HERC3: variants seen among roughly 807,000 people sequenced by gnomAD.
HERC3 encodes HECT and RLD domain containing E3 ubiquitin protein ligase 3, also known as probable E3 ubiquitin-protein ligase HERC3.
In HERC3, 58 loss-of-function variants were observed where a neutral mutation model predicts 129.9. That is an observed-to-expected ratio of 0.45 (90% CI 0.36 to 0.56). HERC3 has a LOEUF of 0.56. HERC3 is among the 20% of genes least tolerant of loss of function. HERC3 has a pLI of 0.00. For missense variants in HERC3, 835 were observed against 1,244.2 expected (o/e 0.67, Z 4.95); for synonymous variants, 430 against 451.0 (o/e 0.95, Z 0.59).
intron 3 of HERC3, among the ~76,000 whole-genome samples, chr4:88,632,274 G>T (rs1362168612): frequency 6.6e-6 from 1 of 152,158 alleles, no homozygotes; most frequent in Non-Finnish European, 1.5e-5. Flanking sequence ...TGTGGTGTAC[G>T]CAGGGCACAC....
At chr4:88,590,229 C>T (rs776787879), upstream of HERC3, among the ~76,000 whole-genome samples, 2 of 151,542 alleles carry the variant, frequency 1.3e-5, no homozygotes, top group African/African-American at 2.4e-5. Flanking sequence ...GATCGCGCCA[C>T]TGCACTCCAT....
intron 2 of HERC3, among the ~76,000 whole-genome samples, chr4:88,601,920 G>A (rs1220423499): frequency 8.3e-6 from 1 of 120,596 alleles, no homozygotes; most frequent in Non-Finnish European, 1.5e-5. Context: ...GCCGGGCGTA[G>A]TGGCGGGCGC....
chr4:88,682,431 C>T (rs1732888565), intron 21 of HERC3, among the ~76,000 whole-genome samples: 1 of 151,970 alleles, frequency 6.6e-6, no homozygotes, highest in African/African-American at 2.4e-5. Context: ...ATTAACTCGT[C>T]ATTTAACATT....
intron 9 of HERC3, chr4:88,657,459 A>G (rs1346344853): frequency 6.6e-6 from 1 of 152,164 alleles, no homozygotes; most frequent in Non-Finnish European, 1.5e-5. Context: ...CTTCTCTGTA[A>G]TTTGTAAATT....
At chr4:88,697,326 C>T (rs1331346494) in intron 23 of HERC3, 1 of 1,613,620 alleles carries the variant, frequency 6.2e-7, no homozygotes, top group African/African-American at 1.3e-5. Flanking sequence ...CATCCTCGTA[C>T]TCCTCTTCCT....
intron 2 of HERC3, among the ~76,000 whole-genome samples, chr4:88,604,904 C>T (rs1298371082): frequency 3.9e-5 from 6 of 152,144 alleles, no homozygotes; most frequent in Non-Finnish European, 7.3e-5. Context: ...TTGTTGTTAC[C>T]TGGCCATCAT....
At chr4:88,528,456 GT>G in the HERC3 span, among the ~76,000 whole-genome samples, 1 of 152,158 alleles carries the variant, frequency 6.6e-6, no homozygotes, top group Non-Finnish European at 1.5e-5. Context: ...AAGAGAAACT[GT>G]GGAACTAATG....
intron 2 of HERC3, among the ~76,000 whole-genome samples, chr4:88,598,921 G>A (rs1435254319): frequency 1.3e-5 from 2 of 152,210 alleles, no homozygotes; most frequent in African/African-American, 4.8e-5. Flanking sequence ...GAAATAAGAG[G>A]CAGGAAATGC....
At chr4:88,673,706 A>C (rs1731853770) in intron 16 of HERC3, among the ~76,000 whole-genome samples, 1 of 152,240 alleles carries the variant, frequency 6.6e-6, no homozygotes, top group African/African-American at 2.4e-5. Flanking sequence ...TACCAGTGTG[A>C]GTACAATTTC....
the HERC3 span, among the ~76,000 whole-genome samples, chr4:88,547,857 C>T: frequency 3.3e-5 from 5 of 152,162 alleles, no homozygotes; most frequent in East Asian, 3.9e-4. Flanking sequence ...GGTTTCACCA[C>T]GTTAGCCAGG....
Position 88,687,230 on chromosome 4 carries a change from G to A in HERC3, c.2588G>A (p.Ser863Asn). 6.2e-7 allele frequency: 1 copy of A among 1,611,630 alleles called. No homozygotes were observed. The change falls in exon 23 of 26, where the codon AGC (serine) becomes AAC (asparagine). Residue 863 changes from serine to asparagine, a missense_variant. By Grantham distance (46) the Ser-to-Asn change is conservative (BLOSUM62 1). Coordinates refer to ENST00000402738, the MANE Select transcript of HERC3 (RefSeq NM_014606.3). ...FCLNFTICRESYGVIEQKKLI... is the reference protein window; with the variant it reads ...FCLNFTICRENYGVIEQKKLI... ...CCTTAAATATAGATCTGCCGAGAAA[G>A]CTATGGAGTGATTGAACAGAAGAAG... is the stretch of plus-strand genomic sequence containing the variant.
At chr4:88,597,380 T>G (rs1371263195) in intron 2 of HERC3, among the ~76,000 whole-genome samples, 5 of 152,252 alleles carry the variant, frequency 3.3e-5, no homozygotes, top group Admixed American at 1.3e-4. Flanking sequence ...TTACTCATCT[T>G]TGTATCTCCA....
rs3775405 is a variant in HERC3, at chr4:88,691,146, G to A, written c.2657+3847G>A. 5.9e-5 allele frequency among the ~76,000 whole-genome samples: 9 copies of A among 152,290 alleles called. No individual in the cohort carries two copies. The East Asian group carries it at 1.3e-3, about 23-fold the overall frequency. ...AAGGGATGGAAAAATCTGAGTTGTC[G>A]TTTCAGACAGAAATTTTGATTGCAT... On this transcript the variant is annotated intron_variant, in intron 23 of 25. Coordinates refer to ENST00000402738, the MANE Select transcript of HERC3 (RefSeq NM_014606.3).
At position 88,601,922 on chromosome 4, in the gene HERC3, G is replaced by A. The variant is rs547320513; in HGVS notation, c.-29-3873G>A. Among the ~76,000 whole-genome samples, 88 of 120,406 alleles carry A rather than the reference G, an allele frequency of 7.3e-4. 10 individuals carry two copies. Among genetic ancestry groups the A allele is most frequent in the Non-Finnish European group, 1.1e-3 (71 of 65,060 alleles). 79.0% of individuals were successfully genotyped at this position (120,406 alleles called of 152,430 possible). A position where few individuals can be genotyped will look rare whatever the true frequency, so the allele number is the denominator to read the frequency against. ...ATACAAAAAATTAGCCGGGCGTAGT[G>A]GCGGGCGCCTGTAGTCCCAGCTACT... On this transcript the variant is annotated intron_variant, in intron 2 of 25. Transcript: ENST00000402738.
At chr4:88,693,409 A>T (rs145854245) in intron 23 of HERC3, 1 of 974,002 alleles carries the variant, frequency 1.0e-6, no homozygotes, top group African/African-American at 1.8e-5. Flanking sequence ...CATTTCATCC[A>T]GTCCTTAGAA....
At chr4:88,697,775 G>T (rs1376779464) in intron 23 of HERC3, 1 of 1,569,214 alleles carries the variant, frequency 6.4e-7, no homozygotes, top group Non-Finnish European at 8.6e-7. Flanking sequence ...AAGCCGCAGA[G>T]GTCTAGGAGG....
chr4:88,571,500 C>T, the HERC3 span, among the ~76,000 whole-genome samples: 1 of 152,178 alleles, frequency 6.6e-6, no homozygotes, highest in Non-Finnish European at 1.5e-5. Context: ...CTCATTCACT[C>T]TTTCTTTTTT....
At chr4:88,697,655 C>G in intron 23 of HERC3, 3 of 1,613,452 alleles carry the variant, frequency 1.9e-6, no homozygotes, top group African/African-American at 1.3e-5. Context: ...CAGTCTCCAC[C>G]CTGCGCACCG....
At position 88,628,792 on chromosome 4, in the gene HERC3, TCTTA is replaced by T. The variant is rs376402400; in HGVS notation, c.227-21043_227-21040del. Among the ~76,000 whole-genome samples the T allele has an allele frequency of 2.8e-4, 42 of 152,286 alleles. No homozygotes were observed. The South Asian group carries it at 3.3e-3, about 12-fold the overall frequency. On this transcript the variant is annotated intron_variant, in intron 3 of 25. Coordinates refer to ENST00000402738, the MANE Select transcript of HERC3 (RefSeq NM_014606.3). ...ACAATCTGCAGGCTTGGGAATGACC[TCTTA>T]CTTAATCACATTGAATGAATGTGGT...
Sources: gnomAD v4.1 joint callset for allele counts (sites outside exome capture counted in the v4.1 genomes callset) on GRCh38, gnomAD v4.1.1 for gene constraint, MANE v1.5 for transcripts, NCBI Gene and HGNC (gene_info 2026-07-23, HGNC 2026-07-21) for gene names.